COLEC12: variants seen among roughly 807,000 people sequenced by gnomAD.
The protein encoded by COLEC12 is collectin-12.
A neutral mutation model predicts 71.1 loss-of-function variants in COLEC12; 33 were observed. The observed-to-expected ratio is 0.46, with a 90% confidence interval of 0.35 to 0.62. The LOEUF is 0.62. Among genes scored for constraint, COLEC12 ranks in the 20% least tolerant of loss-of-function variants. The pLI is 0.00. For missense variants in COLEC12, 765 were observed against 916.1 expected (o/e 0.84, Z 2.13); for synonymous variants, 350 against 353.0 (o/e 0.99, Z 0.10).
chr18:494,631 G>T (rs1917677293), intron 1 of COLEC12, among the ~76,000 whole-genome samples: 2 of 152,204 alleles, frequency 1.3e-5, no homozygotes, highest in African/African-American at 4.8e-5. Flanking sequence ...TATTTTATGA[G>T]ATGGTTATAT....
intron 2 of COLEC12, among the ~76,000 whole-genome samples, chr18:472,519 A>T (rs1396458977): frequency 2.0e-5 from 3 of 151,780 alleles, no homozygotes; most frequent in Non-Finnish European, 2.9e-5. Flanking sequence ...ATCTCTACAG[A>T]AAAAAATTTT....
intron 1 of COLEC12, among the ~76,000 whole-genome samples, chr18:495,647 A>G (rs1008242901): frequency 1.3e-5 from 2 of 152,236 alleles, no homozygotes; most frequent in Non-Finnish European, 2.9e-5. Context: ...ATGCTAGGTC[A>G]TTACAGTTCT....
At chr18:484,341 C>G (rs900800253) in intron 1 of COLEC12, among the ~76,000 whole-genome samples, 5 of 152,196 alleles carry the variant, frequency 3.3e-5, no homozygotes, top group Non-Finnish European at 5.9e-5. Flanking sequence ...ACAAAGGCCT[C>G]ACAGGCCACC....
chr18:317,634 C>T lies in COLEC12; in HGVS notation c.*2411G>A, dbSNP rs931876447. On this transcript the variant is annotated 3_prime_UTR_variant, in exon 10 of 10. Coordinates refer to ENST00000400256, the MANE Select transcript of COLEC12 (RefSeq NM_130386.3). ...GCTGCGAAAGCTAATACTAGTCTAT[C>T]CTGATGACGGCATCAGATACTTATT... The T allele has an allele frequency of 6.6e-6, 1 of 152,216 alleles. No individual in the cohort carries two copies. Among genetic ancestry groups the T allele is most frequent in the East Asian group, 1.9e-4 (1 of 5,194 alleles). 9.4% of individuals were successfully genotyped at this position (152,216 alleles called of 1,614,324 possible).
At chr18:442,118 T>C (rs1221484211) in intron 2 of COLEC12, among the ~76,000 whole-genome samples, 1 of 143,652 alleles carries the variant, frequency 7.0e-6, no homozygotes, top group Non-Finnish European at 1.5e-5. Flanking sequence ...CTGTATCCGA[T>C]GTTGTATTCC....
At chr18:482,552 C>T (rs1030155410) in intron 1 of COLEC12, among the ~76,000 whole-genome samples, 22 of 152,184 alleles carry the variant, frequency 1.4e-4, no homozygotes, top group African/African-American at 5.3e-4. Flanking sequence ...TAGCACTCAC[C>T]ATGACAGAGA....
chr18:438,537 G>T (rs570617563), intron 2 of COLEC12, among the ~76,000 whole-genome samples: 13 of 152,226 alleles, frequency 8.5e-5, no homozygotes, highest in Admixed American at 8.5e-4. Flanking sequence ...TTCCAGCTGG[G>T]TGCTGTGGTT....
chr18:468,338 C>T (rs1461196157), intron 2 of COLEC12, among the ~76,000 whole-genome samples: 1 of 152,074 alleles, frequency 6.6e-6, no homozygotes, highest in Non-Finnish European at 1.5e-5. Flanking sequence ...GATGCAAACC[C>T]ATAACACTGT....
chr18:454,512 T>G (rs1220007115), intron 2 of COLEC12, among the ~76,000 whole-genome samples: 8 of 152,090 alleles, frequency 5.3e-5, no homozygotes, highest in Non-Finnish European at 1.0e-4. Flanking sequence ...TGAAACTCCA[T>G]CTCTACTAAA....
intron 2 of COLEC12, among the ~76,000 whole-genome samples, chr18:457,702 T>C (rs1013404068): frequency 1.3e-5 from 2 of 152,216 alleles, no homozygotes; most frequent in Admixed American, 6.5e-5. Flanking sequence ...ATGAAGGGCT[T>C]CCTAGTCCCA....
At chr18:428,620 C>T (rs1916242305) in intron 2 of COLEC12, among the ~76,000 whole-genome samples, 1 of 152,120 alleles carries the variant, frequency 6.6e-6, no homozygotes, top group African/African-American at 2.4e-5. Flanking sequence ...AAAAGAATTA[C>T]TTTAAATAAG....
chr18:339,054 C>T (rs941031582), intron 5 of COLEC12, among the ~76,000 whole-genome samples: 3 of 149,074 alleles, frequency 2.0e-5, no homozygotes, highest in Non-Finnish European at 4.4e-5. Context: ...TGGTGCTATC[C>T]TTGCAAGTTA....
chr18:322,214 A>ACACG (rs757622466), intron 8 of COLEC12, among the ~76,000 whole-genome samples: 1 of 151,782 alleles, frequency 6.6e-6, no homozygotes, highest in Non-Finnish European at 1.5e-5. Context: ...ACACACACAC[A>ACACG]CGCACACATG....
At chr18:329,822 G>T (rs140181558) in intron 8 of COLEC12, among the ~76,000 whole-genome samples, 368 of 152,270 alleles carry the variant, frequency 2.4e-3, no homozygotes, top group African/African-American at 8.7e-3. Flanking sequence ...TCATACCTCT[G>T]ATCCCAGTGC....
intron 2 of COLEC12, among the ~76,000 whole-genome samples, chr18:445,847 G>C (rs1221274307): frequency 6.6e-6 from 1 of 152,040 alleles, no homozygotes; most frequent in Non-Finnish European, 1.5e-5. Context: ...GCCCAGGCTG[G>C]TCTCGAACTC....
At chr18:439,041 C>T (rs1328077583) in intron 2 of COLEC12, among the ~76,000 whole-genome samples, 2 of 152,154 alleles carry the variant, frequency 1.3e-5, no homozygotes, top group African/African-American at 4.8e-5. Context: ...CTTTCAAGAT[C>T]TCACTCAAAC....
chr18:348,174 G>C lies in COLEC12; in HGVS notation c.182-11C>G. 6.5e-7 allele frequency: 1 copy of C among 1,550,304 alleles called. No individual in the cohort carries two copies. On this transcript the variant is annotated splice_polypyrimidine_tract_variant and intron_variant, in intron 3 of 9. Coordinates refer to ENST00000400256, the MANE Select transcript of COLEC12 (RefSeq NM_130386.3). ...CCATTTTCTCTACAACTAAGATTTGGAAAATGATGCATTAGTATACATATC... is the reference window on the plus strand; with the variant it reads ...CCATTTTCTCTACAACTAAGATTTGCAAAATGATGCATTAGTATACATATC...
Position 498,377 on chromosome 18 carries a change from T to TTTTTTTTTTTTTTTTTG in COLEC12, c.7+2130_7+2131insCAAAAAAAAAAAAAAAA, listed in dbSNP as rs1178071975. ...ATATTTTTTTTCTTTTTTTTTTTTTTAGACGGAGTCTCGCTCTTGTCACCC... is the reference window on the plus strand; with the variant it reads ...ATATTTTTTTTCTTTTTTTTTTTTTTTTTTTTTTTTTTTTTTGAGACGGAGTCTCGCTCTTGTCACCC... On this transcript the variant is annotated intron_variant, in intron 1 of 9. Coordinates refer to ENST00000400256, the MANE Select transcript of COLEC12 (RefSeq NM_130386.3). Among the ~76,000 whole-genome samples the TTTTTTTTTTTTTTTTTG allele has an allele frequency of 5.1e-3, 701 of 138,134 alleles. 7 individuals are homozygous for TTTTTTTTTTTTTTTTTG. The highest frequency in any genetic ancestry group is 7.9e-3 in the East Asian group (37 of 4,662). The allele number at this position is 138,134 out of a possible 152,430, so 90.6% of individuals were successfully genotyped here.
At chr18:460,737 C>T (rs1916966810) in intron 2 of COLEC12, among the ~76,000 whole-genome samples, 1 of 152,202 alleles carries the variant, frequency 6.6e-6, no homozygotes, top group South Asian at 2.1e-4. Flanking sequence ...ACCAACCTCC[C>T]CCAACAGTCT....
Sources: gnomAD v4.1 joint callset for allele counts (sites outside exome capture counted in the v4.1 genomes callset) on GRCh38, gnomAD v4.1.1 for gene constraint, MANE v1.5 for transcripts, NCBI Gene and HGNC (gene_info 2026-07-23, HGNC 2026-07-21) for gene names.